Variants in SLC25A18 observed in about 807,000 individuals in gnomAD.
SLC25A18 encodes the protein solute carrier family 25 member 18.
In SLC25A18, 24 loss-of-function variants were observed where a neutral mutation model predicts 31.1. That is an observed-to-expected ratio of 0.77 (90% CI 0.56 to 1.08). The LOEUF (loss-of-function observed/expected upper bound fraction) is 1.08. Among genes scored for constraint, SLC25A18 ranks in the 50% least tolerant of loss-of-function variants. SLC25A18 has a pLI of 0.00. For synonymous variants in SLC25A18, 173 were observed against 161.9 expected (o/e 1.07, Z -0.52); for missense variants, 371 against 418.5 (o/e 0.89, Z 0.99).
chr22:17,582,362 C>A, intron 5 of SLC25A18: 1 of 454,160 alleles, frequency 2.2e-6, no homozygotes, highest in Non-Finnish European at 3.9e-6. Flanking sequence ...GGCGACAGAG[C>A]GAGACTCCAT....
chr22:17,580,456 A>G, intron 3 of SLC25A18: 1 of 884,160 alleles, frequency 1.1e-6, no homozygotes, highest in Non-Finnish European at 1.4e-6. Flanking sequence ...CTGTGGCTTT[A>G]CTTTTGGCTG....
At position 17,582,558 on chromosome 22, in the gene SLC25A18, T is replaced by C. The variant is rs2057408693; in HGVS notation, c.200-5T>C. The C allele has an allele frequency of 6.3e-7, 1 of 1,588,648 alleles. No homozygotes were observed. Among genetic ancestry groups the C allele is most frequent in the Non-Finnish European group, 8.6e-7 (1 of 1,165,884 alleles). ...TTGACTCCCCATCTTGTCCTTCACTTCCAGGGGCTGCAGTGAACCTCACTC... is the reference window on the plus strand; with the variant it reads ...TTGACTCCCCATCTTGTCCTTCACTCCCAGGGGCTGCAGTGAACCTCACTC... On this transcript the variant is annotated splice_region_variant and splice_polypyrimidine_tract_variant and intron_variant, in intron 5 of 10. Coordinates refer to ENST00000327451, the MANE Select transcript of SLC25A18 (RefSeq NM_031481.3).
intron 2 of SLC25A18, among the ~76,000 whole-genome samples, chr22:17,574,272 C>T (rs1350190711): frequency 6.6e-6 from 1 of 152,198 alleles, no homozygotes; most frequent in Non-Finnish European, 1.5e-5. Context: ...TTACTGCCTA[C>T]AGGATCACAT....
intron 7 of SLC25A18, chr22:17,584,145 G>A (rs1248141174): frequency 2.2e-6 from 2 of 929,954 alleles, no homozygotes; most frequent in Admixed American, 6.2e-5. Context: ...TGTAATCCCA[G>A]CACTTTGGGA....
chr22:17,584,781 CAAAAAAAAAAAAAA>C (rs66948770), intron 7 of SLC25A18, among the ~76,000 whole-genome samples: 4 of 20,060 alleles, frequency 2.0e-4, no homozygotes, highest in African/African-American at 2.7e-4. Flanking sequence ...GAATTCATCT[CAAAAAAAAAAAAAA>C]AAAAAAAAAA....
chr22:17,579,695 G>A (rs896912898), intron 2 of SLC25A18, 50 bp from the exon 3 acceptor site: 7 of 1,316,702 alleles, frequency 5.3e-6, no homozygotes, highest in Admixed American at 3.6e-5. Flanking sequence ...CACTAGTGAC[G>A]TGCGTCCTCG....
intron 6 of SLC25A18, 143 bp downstream of exon 6, chr22:17,582,796 T>G (rs1305795349): frequency 1.4e-5 from 10 of 724,378 alleles, no homozygotes; most frequent in African/African-American, 3.5e-5. Flanking sequence ...TGGTGTGTGT[T>G]TGGGCTGCTG....
intron 1 of SLC25A18, among the ~76,000 whole-genome samples, chr22:17,564,184 G>A (rs5992068): frequency 0.049 from 7,456 of 152,252 alleles, 632 homozygotes; most frequent in African/African-American, 0.17. Context: ...CAAAGGCAGC[G>A]TAGATCTGCA....
At chr22:17,569,012 C>CT (rs954487377) in intron 1 of SLC25A18, among the ~76,000 whole-genome samples, 1,535 of 142,884 alleles carry the variant, frequency 0.011, 18 homozygotes, top group African/African-American at 0.033. Flanking sequence ...CTCTTCTTTA[C>CT]TTTTTTTTTT....
chr22:17,580,857 G>A, intron 3 of SLC25A18, 180 bp from the exon 4 acceptor site: 3 of 1,334,946 alleles, frequency 2.2e-6, no homozygotes, highest in Non-Finnish European at 2.9e-6. Context: ...GCCTCACCCG[G>A]GTGAGTGCGG....
chr22:17,589,901 T>G (rs1349967672), intron 10 of SLC25A18, among the ~76,000 whole-genome samples, 194 bp from the exon 11 acceptor site: 2 of 152,210 alleles, frequency 1.3e-5, no homozygotes, highest in Admixed American at 1.3e-4. Flanking sequence ...TTCCAAGGCC[T>G]TGACCCAACT....
At chr22:17,566,300 A>G (rs1381710700) in intron 1 of SLC25A18, among the ~76,000 whole-genome samples, 3 of 151,948 alleles carry the variant, frequency 2.0e-5, no homozygotes, top group Non-Finnish European at 4.4e-5. Flanking sequence ...CCTCCTGCTG[A>G]TGCGTGTTTC....
chr22:17,580,467 G>T, intron 3 of SLC25A18: 1 of 950,622 alleles, frequency 1.1e-6, no homozygotes. Flanking sequence ...CTTTTGGCTG[G>T]AACTAGGTCA....
intron 7 of SLC25A18, among the ~76,000 whole-genome samples, chr22:17,584,848 A>AT (rs948990174): frequency 8.6e-5 from 13 of 150,810 alleles, no homozygotes; most frequent in Admixed American, 3.3e-4. Context: ...TCCAGTCAGT[A>AT]TTTTATGCTA....
At chr22:17,584,422 A>AGAAAGAAAG (rs201926051) in intron 7 of SLC25A18, among the ~76,000 whole-genome samples, 1 of 134,064 alleles carries the variant, frequency 7.5e-6, no homozygotes, top group Non-Finnish European at 1.6e-5. Context: ...AAAGAAAGAA[A>AGAAAGAAAG]GAAGGAAGGA....
chr22:17,586,251 A>G (rs2057546792), intron 7 of SLC25A18, among the ~76,000 whole-genome samples: 1 of 152,208 alleles, frequency 6.6e-6, no homozygotes, highest in Non-Finnish European at 1.5e-5. Flanking sequence ...GCGGTGGCTC[A>G]CGCCTGTAAT....
chr22:17,564,063 T>C (rs1001498310), intron 1 of SLC25A18, among the ~76,000 whole-genome samples: 1 of 152,320 alleles, frequency 6.6e-6, no homozygotes, highest in African/African-American at 2.4e-5. Context: ...CTCGGACTCC[T>C]TGTTCCAGCT....
chr22:17,571,195 G>T lies in SLC25A18; in HGVS notation c.-201+1209G>T, dbSNP rs77390519. Among the ~76,000 whole-genome samples, 552 of 152,304 alleles carry T rather than the reference G, an allele frequency of 3.6e-3. 3 individuals are homozygous for T. The highest frequency in any genetic ancestry group is 0.012 in the African/African-American group (518 of 41,562). Reference sequence around the variant, plus strand: ...TTTCACCCACTTGGCCGTTTGGAAGGTGGATTTGAAGGCAACAAGGCTGAA... The same window carrying T: ...TTTCACCCACTTGGCCGTTTGGAAGTTGGATTTGAAGGCAACAAGGCTGAA... On this transcript the variant is annotated intron_variant, in intron 2 of 10. Transcript: ENST00000327451.
intron 7 of SLC25A18, chr22:17,585,464 A>G (rs1168603979): frequency 2.0e-5 from 3 of 151,984 alleles, no homozygotes; most frequent in East Asian, 1.9e-4. Context: ...CTGGATACCA[A>G]TCAAATCTGG....
Sources: gnomAD v4.1 joint callset for allele counts (sites outside exome capture counted in the v4.1 genomes callset) on GRCh38, gnomAD v4.1.1 for gene constraint, MANE v1.5 for transcripts, NCBI Gene and HGNC (gene_info 2026-07-23, HGNC 2026-07-21) for gene names.